The following GALNT16 variants were observed in gnomAD, a reference collection of about 807,000 sequenced individuals.
GALNT16 encodes the protein polypeptide N-acetylgalactosaminyltransferase 16.
GALNT16 carries 40 observed loss-of-function variants against 76.1 expected under a neutral mutation model. The ratio of observed to expected loss-of-function variants is 0.53; its 90% CI spans 0.41 to 0.68. The LOEUF is 0.68. GALNT16 is among the 30% of genes least tolerant of loss of function. The probability of loss-of-function intolerance (pLI) is 0.00; values close to 1 mark genes in which losing one functional copy is unlikely to be tolerated. For synonymous variants in GALNT16, 276 were observed against 285.2 expected (o/e 0.97, Z 0.32); for missense variants, 621 against 731.9 (o/e 0.85, Z 1.75).
At chr14:69,304,082 T>A (rs995623600) in intron 1 of GALNT16, among the ~76,000 whole-genome samples, 1 of 152,162 alleles carries the variant, frequency 6.6e-6, no homozygotes, top group Non-Finnish European at 1.5e-5. Flanking sequence ...GGGTGAGGGA[T>A]CAGCTCACGT....
chr14:69,275,886 G>A (rs1334948704), intron 1 of GALNT16, among the ~76,000 whole-genome samples: 2 of 152,132 alleles, frequency 1.3e-5, no homozygotes, highest in Admixed American at 6.5e-5. Context: ...TGCTGATAAA[G>A]GCATACCTGA....
At chr14:69,272,837 C>T (rs1039349223) in intron 1 of GALNT16, among the ~76,000 whole-genome samples, 2 of 152,184 alleles carry the variant, frequency 1.3e-5, no homozygotes, top group African/African-American at 4.8e-5. Context: ...CAGTAATATG[C>T]TGTACAGGTT....
the GALNT16 span, among the ~76,000 whole-genome samples, chr14:69,363,953 C>G: frequency 6.6e-6 from 1 of 152,192 alleles, no homozygotes; most frequent in African/African-American, 2.4e-5. Flanking sequence ...CTGGCCCCCA[C>G]TAGAGGTTCC....
chr14:69,303,910 A>G (rs1255902828), intron 1 of GALNT16, among the ~76,000 whole-genome samples: 2 of 152,206 alleles, frequency 1.3e-5, no homozygotes, highest in African/African-American at 2.4e-5. Flanking sequence ...TGGGATCAAA[A>G]TGCACATATT....
intron 1 of GALNT16, among the ~76,000 whole-genome samples, chr14:69,288,535 C>T (rs1258158729): frequency 2.0e-5 from 3 of 152,246 alleles, no homozygotes; most frequent in Non-Finnish European, 4.4e-5. Context: ...ACCCAGCAGG[C>T]TGGCCACGTT....
chr14:69,359,399 T>C (rs1205094388), downstream of GALNT16: 1 of 152,252 alleles, frequency 6.6e-6, no homozygotes, highest in African/African-American at 2.4e-5. Flanking sequence ...AAGCACGCAA[T>C]ATACACTTGT....
intron 1 of GALNT16, among the ~76,000 whole-genome samples, chr14:69,289,074 C>T (rs911644826): frequency 1.3e-5 from 2 of 152,160 alleles, no homozygotes; most frequent in African/African-American, 4.8e-5. Context: ...AACAGGGTCT[C>T]GCCCTGTTGC....
At chr14:69,335,820 G>A (rs973148209) in intron 9 of GALNT16, among the ~76,000 whole-genome samples, 2 of 152,116 alleles carry the variant, frequency 1.3e-5, no homozygotes, top group African/African-American at 2.4e-5. Flanking sequence ...AAACCAAGAC[G>A]TGTTCTTTTG....
chr14:69,264,819 C>CTTTCTTTTTTTTTTT (rs770742554), intron 1 of GALNT16, among the ~76,000 whole-genome samples: 1 of 96,600 alleles, frequency 1.0e-5, no homozygotes, highest in Admixed American at 1.3e-4. Flanking sequence ...CTTTTTCTTT[C>CTTTCTTTTTTTTTTT]TTTTTTTTTT....
rs2045259322 is a variant in GALNT16, at chr14:69,324,915, G to A, written c.434+125G>A. On this transcript the variant is annotated intron_variant, in intron 3 of 14. Coordinates refer to ENST00000448469, the MANE Select transcript of GALNT16 (RefSeq NM_001168368.2). ...GAGGCTGAGTCCTGTACTTCTGAGA[G>A]GCTGAGACTGGTGAATCAGGGCCAG... 1.0e-5 allele frequency: 6 copies of A among 599,506 alleles called. No individual in the cohort carries two copies. The East Asian group carries it at 1.7e-4, about 17-fold the overall frequency. 37.1% of individuals were successfully genotyped at this position (599,506 alleles called of 1,614,324 possible).
At position 69,333,252 on chromosome 14, in the gene GALNT16, G is replaced by A. The variant is rs1444741943; in HGVS notation, c.863+83G>A. ...AGGCTCTTGGGAGGCTGTATCGGTC[G>A]CTTGGGCTCCTGAGGCGCACTAAGT... On this transcript the variant is annotated intron_variant, in intron 8 of 14. Transcript: ENST00000448469. The surrounding 1 kb of genome is among the most constrained non-coding windows in gnomAD (Gnocchi z 4.2). 2.5e-5 allele frequency: 24 copies of A among 963,186 alleles called. No homozygotes were observed. In the South Asian group the frequency reaches 2.6e-4, roughly 11 times the overall value. 59.7% of individuals were successfully genotyped at this position (963,186 alleles called of 1,614,324 possible).
intron 12 of GALNT16, among the ~76,000 whole-genome samples, chr14:69,345,546 C>T (rs2045550038): frequency 6.6e-6 from 1 of 152,132 alleles, no homozygotes; most frequent in South Asian, 2.1e-4. Context: ...TAACAGGAGG[C>T]AGAGAAGGCA....
At chr14:69,376,447 T>C in the GALNT16 span, among the ~76,000 whole-genome samples, 1 of 152,168 alleles carries the variant, frequency 6.6e-6, no homozygotes, top group Non-Finnish European at 1.5e-5. Context: ...ACTCATTTAA[T>C]GAGTTAAGAC....
the GALNT16 span, among the ~76,000 whole-genome samples, chr14:69,378,515 T>C: frequency 6.6e-6 from 1 of 152,220 alleles, no homozygotes; most frequent in African/African-American, 2.4e-5. Context: ...TCATTGCACA[T>C]TTCACCTTCA....
At chr14:69,330,438 G>A (rs972943326) in intron 6 of GALNT16, among the ~76,000 whole-genome samples, 6 of 152,348 alleles carry the variant, frequency 3.9e-5, no homozygotes, top group African/African-American at 1.2e-4. Flanking sequence ...GAACAAGATA[G>A]TGGTGATGGT....
the GALNT16 span, among the ~76,000 whole-genome samples, chr14:69,375,451 C>T: frequency 3.3e-5 from 5 of 152,076 alleles, no homozygotes; most frequent in Non-Finnish European, 5.9e-5. Flanking sequence ...TCTATTTTCC[C>T]ACCTATTCTT....
rs143160042 is a variant in GALNT16, at chr14:69,273,811, G to A, written c.177+13344G>A. 4.8e-3 allele frequency among the ~76,000 whole-genome samples: 734 copies of A among 152,334 alleles called. 8 individuals carry two copies. Among genetic ancestry groups the A allele is most frequent in the Middle Eastern group, 0.027 (8 of 294 alleles). ...CTGGGCTCAGCCTACTGGCAAGATA[G>A]GACATAGTTAGAGCCGTAAACCCAA... On this transcript the variant is annotated intron_variant, in intron 1 of 14. Coordinates refer to ENST00000448469, the MANE Select transcript of GALNT16 (RefSeq NM_001168368.2).
chr14:69,383,700 T>A, the GALNT16 span, among the ~76,000 whole-genome samples: 1 of 152,224 alleles, frequency 6.6e-6, no homozygotes, highest in Non-Finnish European at 1.5e-5. Flanking sequence ...CCATAAATTA[T>A]CATTAACCTC....
chr14:69,379,323 T>G, the GALNT16 span, among the ~76,000 whole-genome samples: 1 of 152,252 alleles, frequency 6.6e-6, no homozygotes, highest in East Asian at 1.9e-4. Context: ...CCTAAAATTC[T>G]AATAATCTCT....
Sources: gnomAD v4.1 joint callset for allele counts (sites outside exome capture counted in the v4.1 genomes callset) on GRCh38, gnomAD v4.1.1 for gene constraint, Gnocchi (gnomAD v3.1) non-coding constraint, MANE v1.5 for transcripts, NCBI Gene and HGNC (gene_info 2026-07-23, HGNC 2026-07-21) for gene names.